MACROD2: variants seen among roughly 807,000 people sequenced by gnomAD.
MACROD2 encodes ADP-ribose glycohydrolase MACROD2.
In MACROD2, 36 loss-of-function variants were observed where a neutral mutation model predicts 70.4. That is an observed-to-expected ratio of 0.51 (90% CI 0.39 to 0.68). MACROD2 has a LOEUF of 0.68. MACROD2 is among the 30% of genes least tolerant of loss of function. The pLI, the probability that MACROD2 is intolerant of heterozygous loss-of-function variation, is 0.00. For missense variants in MACROD2, 496 were observed against 538.4 expected (o/e 0.92, Z 0.78); for synonymous variants, 172 against 178.8 (o/e 0.96, Z 0.30).
At chr20:14,762,103 G>A (rs1232492931) in intron 5 of MACROD2, among the ~76,000 whole-genome samples, 1 of 152,058 alleles carries the variant, frequency 6.6e-6, no homozygotes, top group Non-Finnish European at 1.5e-5. Flanking sequence ...TCCTGCTGGT[G>A]AGGCTGATCA....
intron 3 of MACROD2, among the ~76,000 whole-genome samples, chr20:14,155,156 A>G (rs1426410815): frequency 6.6e-6 from 1 of 152,212 alleles, no homozygotes; most frequent in Non-Finnish European, 1.5e-5. Context: ...GTATATATAC[A>G]CACATATATA....
chr20:15,478,020 G>C (rs1013157992), intron 7 of MACROD2, among the ~76,000 whole-genome samples: 2 of 152,246 alleles, frequency 1.3e-5, no homozygotes, highest in Non-Finnish European at 2.9e-5. Flanking sequence ...ATTTGCTCCA[G>C]TGCCTCCAGC....
At chr20:15,200,075 T>TA (rs11480958) in intron 5 of MACROD2, among the ~76,000 whole-genome samples, 96,957 of 152,024 alleles carry the variant, frequency 0.64, 32,311 homozygotes, top group African/African-American at 0.82. Flanking sequence ...ATTATCTTCT[T>TA]TCAAGAACCT....
intron 4 of MACROD2, among the ~76,000 whole-genome samples, chr20:14,511,760 GAA>G (rs10854238): frequency 0.019 from 2,916 of 150,302 alleles, 69 homozygotes; most frequent in Admixed American, 0.05. Flanking sequence ...GTTGCTGACA[GAA>G]AAAAAAAAAG....
intron 10 of MACROD2, among the ~76,000 whole-genome samples, chr20:15,925,377 A>G (rs534614413): frequency 3.4e-4 from 52 of 152,242 alleles, no homozygotes; most frequent in Non-Finnish European, 6.2e-4. Flanking sequence ...GGAAGCCCAC[A>G]TTAATGAATA....
intron 4 of MACROD2, among the ~76,000 whole-genome samples, chr20:14,601,152 T>G (rs1982471562): frequency 6.6e-6 from 1 of 152,190 alleles, no homozygotes; most frequent in Admixed American, 6.5e-5. Context: ...GACTTATCCC[T>G]TCAGCACAGT....
chr20:15,428,683 G>A (rs2046329478), intron 6 of MACROD2, among the ~76,000 whole-genome samples: 1 of 152,100 alleles, frequency 6.6e-6, no homozygotes, highest in African/African-American at 2.4e-5. Flanking sequence ...TTTAGTATAT[G>A]TGTTTAACTT....
chr20:14,990,038 G>C (rs755138563), intron 5 of MACROD2, among the ~76,000 whole-genome samples: 1 of 152,020 alleles, frequency 6.6e-6, no homozygotes, highest in African/African-American at 2.4e-5. Context: ...CCTGAGGATG[G>C]GTCAGTTTTT....
intron 5 of MACROD2, among the ~76,000 whole-genome samples, chr20:15,117,307 T>C (rs987038186): frequency 3.3e-5 from 5 of 152,180 alleles, no homozygotes; most frequent in African/African-American, 1.2e-4. Flanking sequence ...TAAGCATTAT[T>C]TTGTCAATTT....
At chr20:14,757,539 GC>G in intron 5 of MACROD2, 2 of 769,542 alleles carry the variant, frequency 2.6e-6, no homozygotes, top group South Asian at 1.6e-5. Flanking sequence ...CTAGGCCCTG[GC>G]CCCGGACCCT....
Position 14,987,850 on chromosome 20 carries a change from T to G in MACROD2, c.419-242090T>G, listed in dbSNP as rs182784885. On this transcript the variant is annotated intron_variant, in intron 5 of 17. Coordinates refer to ENST00000684519, the MANE Select transcript of MACROD2 (RefSeq NM_001351661.2). Reference sequence around the variant, plus strand: ...TTCATTCATATGTCAGGACTTAAGATATATATATATATAAGAAATCTCATG... The same window carrying G: ...TTCATTCATATGTCAGGACTTAAGAGATATATATATATAAGAAATCTCATG... Among the ~76,000 whole-genome samples the G allele has an allele frequency of 6.9e-4, 105 of 151,602 alleles. 1 individual carries two copies. The highest frequency in any genetic ancestry group is 2.4e-3 in the African/African-American group (100 of 41,278).
At chr20:15,992,436 G>A (rs1398829727) in intron 15 of MACROD2, among the ~76,000 whole-genome samples, 1 of 151,576 alleles carries the variant, frequency 6.6e-6, no homozygotes, top group Non-Finnish European at 1.5e-5. Context: ...TCCTTTTTTC[G>A]TAAGCTGTCT....
chr20:15,502,079 G>C (rs114425170), intron 8 of MACROD2, among the ~76,000 whole-genome samples: 1 of 151,892 alleles, frequency 6.6e-6, no homozygotes, highest in Non-Finnish European at 1.5e-5. Context: ...CATATTGGTA[G>C]TCTAGAAAAA....
At chr20:15,833,098 G>A (rs889904135) in intron 8 of MACROD2, among the ~76,000 whole-genome samples, 7 of 152,166 alleles carry the variant, frequency 4.6e-5, no homozygotes, top group Admixed American at 3.3e-4. Flanking sequence ...CATTAACATG[G>A]CATTCTACAG....
intron 5 of MACROD2, among the ~76,000 whole-genome samples, chr20:14,836,777 G>A (rs1363415407): frequency 6.6e-6 from 1 of 152,064 alleles, no homozygotes; most frequent in Non-Finnish European, 1.5e-5. Context: ...TTTTGGCAAT[G>A]ATAGACAGTT....
At chr20:14,078,794 A>T (rs2053950914) in intron 2 of MACROD2, among the ~76,000 whole-genome samples, 1 of 152,180 alleles carries the variant, frequency 6.6e-6, no homozygotes, top group African/African-American at 2.4e-5. Context: ...TTCACCTAGT[A>T]AAAATTTTGT....
At chr20:14,400,854 A>G (rs77536521) in intron 3 of MACROD2, among the ~76,000 whole-genome samples, 7,217 of 152,206 alleles carry the variant, frequency 0.047, 204 homozygotes, top group Non-Finnish European at 0.051. Flanking sequence ...CTTTTACCAT[A>G]TTTATACTCT....
chr20:14,321,295 G>T (rs948528689), intron 3 of MACROD2, among the ~76,000 whole-genome samples: 3 of 152,010 alleles, frequency 2.0e-5, no homozygotes, highest in Non-Finnish European at 2.9e-5. Flanking sequence ...AATCCAGGAG[G>T]CACAGGTTGC....
intron 5 of MACROD2, among the ~76,000 whole-genome samples, chr20:15,046,934 A>G (rs965856991): frequency 6.6e-6 from 1 of 152,168 alleles, no homozygotes; most frequent in African/African-American, 2.4e-5. Flanking sequence ...ACTATACTTC[A>G]ATTACTTGCA....
Sources: allele counts gnomAD v4.1 joint callset (sites outside exome capture counted in the v4.1 genomes callset), GRCh38; gene constraint gnomAD v4.1.1; transcripts MANE v1.5; gene names NCBI Gene and HGNC (gene_info 2026-07-23, HGNC 2026-07-21).